DYSF: variants seen among roughly 807,000 people sequenced by gnomAD.
DYSF encodes the protein dystrophy-associated fer-1-like 1.
DYSF carries 212 observed loss-of-function variants against 274.9 expected under a neutral mutation model. The observed-to-expected ratio is 0.77, with a 90% CI of 0.69 to 0.86. The LOEUF (loss-of-function observed/expected upper bound fraction) is 0.86, where lower values mean the gene tolerates loss of function less well. Among genes scored for constraint, DYSF ranks in the 40% least tolerant of loss-of-function variants. The pLI is 0.00. For synonymous variants in DYSF, 1,091 were observed against 1,078.7 expected (o/e 1.01, Z -0.22); for missense variants, 2,666 against 2,783.2 (o/e 0.96, Z 0.95).
At position 71,520,914 on chromosome 2, in the gene DYSF, T is replaced by C. The variant is rs772657890; in HGVS notation, c.1149+10T>C. ...TGGGGACGAAGCGCCTGTGAGTACATTTCCCTGGGTCTTCCTTACGGTCCC... is the reference window on the plus strand; with the variant it reads ...TGGGGACGAAGCGCCTGTGAGTACACTTCCCTGGGTCTTCCTTACGGTCCC... On this transcript the variant is annotated intron_variant, in intron 12 of 55. Transcript: ENST00000410020. 3 of 1,613,556 alleles carry C rather than the reference T, an allele frequency of 1.9e-6. No individual in the cohort carries two copies. In the South Asian group the frequency reaches 3.3e-5, roughly 18 times the overall value.
chr2:71,528,368 C>T lies in DYSF; in HGVS notation c.1347C>T (p.Asp449=), dbSNP rs1044542269. 2 of 1,614,042 alleles carry T rather than the reference C, an allele frequency of 1.2e-6. No individual in the cohort carries two copies. The highest frequency in any genetic ancestry group is 1.3e-5 in the African/African-American group (1 of 74,928). The change falls in exon 14 of 56, where the codon GAC becomes GAT. Residue 449 remains aspartate (D), a synonymous_variant. Coordinates refer to ENST00000410020, the MANE Select transcript of DYSF (RefSeq NM_001130987.2). ...AGAGTAACAAGAAGAACTTGGTGGACCCCTTTGTGGAGGTCAGCTTTGCGG... is the reference window on the plus strand; with the variant it reads ...AGAGTAACAAGAAGAACTTGGTGGATCCCTTTGTGGAGGTCAGCTTTGCGG... The part of the protein sequence containing the change: ...GFESNKKNLV[D]PFVEVSFAGK...
chr2:71,528,075 A>C (rs1422169586), intron 13 of DYSF, among the ~76,000 whole-genome samples: 1 of 152,188 alleles, frequency 6.6e-6, no homozygotes, highest in Non-Finnish European at 1.5e-5. Flanking sequence ...GGGACAGTGA[A>C]CTGAGCTGTT....
chr2:71,586,032 G>A (rs540589597), intron 30 of DYSF, among the ~76,000 whole-genome samples: 4 of 152,152 alleles, frequency 2.6e-5, no homozygotes, highest in East Asian at 1.9e-4. Flanking sequence ...GGGGTTTGGG[G>A]GTCTGTGGGT....
chr2:71,543,924 A>AGGAGAG (rs200785100), intron 17 of DYSF, among the ~76,000 whole-genome samples: 116 of 139,816 alleles, frequency 8.3e-4, no homozygotes, highest in African/African-American at 2.9e-3. Flanking sequence ...GGGAGGGAGA[A>AGGAGAG]GGAGAGGGAG....
chr2:71,612,673 C>G lies in DYSF; in HGVS notation c.4254C>G (p.Pro1418=), dbSNP rs142769942. 12 of 1,614,180 alleles carry G rather than the reference C, an allele frequency of 7.4e-6. No homozygotes were observed. Among genetic ancestry groups the G allele is most frequent in the South Asian group, 2.2e-5 (2 of 91,076 alleles). The stretch of plus-strand genomic sequence containing the variant: ...CCAGGGAGGAGCTCTACTGCCCCCC[C>G]ATCACCGTCAAGGTCATCGATAACC... ...MLPREELYCP[P]ITVKVIDNRQ... Residue 1418 remains proline, a synonymous_variant, in exon 39 of 56, where the codon CCC becomes CCG. Transcript: ENST00000410020.
chr2:71,597,983 T>C (rs939090948), intron 32 of DYSF, among the ~76,000 whole-genome samples: 4 of 152,162 alleles, frequency 2.6e-5, no homozygotes, highest in African/African-American at 9.7e-5. Context: ...TCTGGTGGCA[T>C]CCCAGAGCTC....
At chr2:71,502,739 G>T (rs909210446) in intron 3 of DYSF, among the ~76,000 whole-genome samples, 3 of 152,172 alleles carry the variant, frequency 2.0e-5, no homozygotes, top group South Asian at 2.1e-4. Flanking sequence ...AGACAGGAAG[G>T]TTTCCTTGCT....
chr2:71,475,102 G>GGTGT (rs2082305787), intron 1 of DYSF, among the ~76,000 whole-genome samples: 3 of 152,212 alleles, frequency 2.0e-5, no homozygotes. Flanking sequence ...ACTCCAAAGC[G>GGTGT]GTGTGTCTGA....
rs2093461724 is a variant in DYSF at position 71,598,541 on chromosome 2, C to T, written c.3575-23C>T. 3 of 1,614,026 alleles carry T rather than the reference C, an allele frequency of 1.9e-6. No homozygotes were observed. In the African/African-American group the frequency reaches 4.0e-5, roughly 22 times the overall value. ...GGGTCCCTGCTGTGTCCTGTCTCCC[C>T]TCCCCCTCTCCGGCCCATGCAGATC... On this transcript the variant is annotated intron_variant, in intron 32 of 55. Transcript: ENST00000410020.
chr2:71,629,321 G>A (rs1445537590), intron 41 of DYSF, among the ~76,000 whole-genome samples: 1 of 151,964 alleles, frequency 6.6e-6, no homozygotes, highest in African/African-American at 2.4e-5. Flanking sequence ...ATTTTTGAAG[G>A]TCTCCTGTCC....
At chr2:71,613,750 G>A (rs370462458) in intron 40 of DYSF, among the ~76,000 whole-genome samples, 17 of 152,208 alleles carry the variant, frequency 1.1e-4, no homozygotes, top group African/African-American at 4.1e-4. Context: ...GACAGGGGAG[G>A]GAGTGAGTGG....
rs559994705 is a variant in DYSF, at chr2:71,560,457, C to T, written c.2217-1295C>T. On this transcript the variant is annotated intron_variant, in intron 22 of 55. Coordinates refer to ENST00000410020, the MANE Select transcript of DYSF (RefSeq NM_001130987.2). Reference sequence around the variant, plus strand: ...CCCACCGAGCATGCCCCTCCACCACCGAGGAGCGGCCTGGGGCAGCCCATC... The same window carrying T: ...CCCACCGAGCATGCCCCTCCACCACTGAGGAGCGGCCTGGGGCAGCCCATC... 4.0e-4 allele frequency among the ~76,000 whole-genome samples: 37 copies of T among 91,538 alleles called. No individual in the cohort carries two copies. The East Asian group carries it at 6.6e-3, about 16-fold the overall frequency. The allele number at this position is 91,538 out of a possible 152,430, so 60.1% of individuals were successfully genotyped here. A position where few individuals can be genotyped will look rare whatever the true frequency, so the allele number is the denominator to read the frequency against.
chr2:71,634,245 T>C (rs994928860), intron 41 of DYSF, among the ~76,000 whole-genome samples: 4 of 152,258 alleles, frequency 2.6e-5, no homozygotes, highest in African/African-American at 9.6e-5. Flanking sequence ...ACCTTTTGTG[T>C]TTCTTTTTCC....
chr2:71,506,370 G>A (rs1430815026), intron 4 of DYSF, among the ~76,000 whole-genome samples: 3 of 152,154 alleles, frequency 2.0e-5, no homozygotes, highest in Non-Finnish European at 2.9e-5. Context: ...CTCGTTGATT[G>A]TGGGCCCCAA....
Position 71,466,987 on chromosome 2 carries a change from G to T in DYSF, c.91+54G>T. 3.3e-6 allele frequency: 5 copies of T among 1,532,992 alleles called. No homozygotes were observed. The South Asian group carries it at 6.0e-5, about 18-fold the overall frequency. The allele number at this position is 1,532,992 out of a possible 1,614,324, so 95.0% of individuals were successfully genotyped here. ...GCTCGGGTGCTACCCGACTCTCGGCGCTCACTGGCGGGTCTGAAGCCCCTG... is the reference window on the plus strand; with the variant it reads ...GCTCGGGTGCTACCCGACTCTCGGCTCTCACTGGCGGGTCTGAAGCCCCTG... On this transcript the variant is annotated intron_variant, in intron 1 of 55. Coordinates refer to ENST00000410020, the MANE Select transcript of DYSF (RefSeq NM_001130987.2).
chr2:71,566,421 G>A (rs895623058), intron 24 of DYSF, among the ~76,000 whole-genome samples: 6 of 149,538 alleles, frequency 4.0e-5, no homozygotes, highest in Admixed American at 1.3e-4. Flanking sequence ...GAGTTTATGA[G>A]CCCCGCCAGT....
intron 36 of DYSF, among the ~76,000 whole-genome samples, chr2:71,603,366 C>T (rs1206826917): frequency 6.6e-6 from 1 of 152,142 alleles, no homozygotes; most frequent in African/African-American, 2.4e-5. Flanking sequence ...AGGAGAGATG[C>T]ACGTTCCCTA....
intron 42 of DYSF, 59 bp from the exon 43 acceptor site, chr2:71,656,103 G>C (rs1215275960): frequency 6.2e-7 from 1 of 1,601,794 alleles, no homozygotes; most frequent in African/African-American, 1.3e-5. Context: ...CCTTTCCTTT[G>C]CTGTTGTTCT....
chr2:71,665,456 T>A, intron 47 of DYSF, 152 bp downstream of exon 47: 1 of 947,532 alleles, frequency 1.1e-6, no homozygotes, highest in Admixed American at 2.1e-5. Context: ...GGGCTCCACT[T>A]GCACTTGGTA....
Sources: gnomAD v4.1 joint callset for allele counts (sites outside exome capture counted in the v4.1 genomes callset) on GRCh38, gnomAD v4.1.1 for gene constraint, MANE v1.5 for transcripts, NCBI Gene and HGNC (gene_info 2026-07-23, HGNC 2026-07-21) for gene names.